Variants in NBAS observed in about 807,000 individuals in gnomAD.
The protein encoded by NBAS is NAG/BC035112 fusion.
NBAS carries 219 observed loss-of-function variants against 302.5 expected under a neutral mutation model. That is an observed-to-expected ratio of 0.72 (90% confidence interval 0.65 to 0.81). NBAS has a LOEUF of 0.81. Among genes scored for constraint, NBAS ranks in the 30% least tolerant of loss-of-function variants. The pLI is 0.00. For missense variants in NBAS, 2,932 were observed against 2,841.6 expected (o/e 1.03, Z -0.72); for synonymous variants, 1,118 against 1,021.6 (o/e 1.09, Z -1.80).
chr2:15,196,641 G>A (rs1055155959), intron 48 of NBAS, among the ~76,000 whole-genome samples: 7 of 152,138 alleles, frequency 4.6e-5, no homozygotes, highest in African/African-American at 1.4e-4. Flanking sequence ...TACAATTTGA[G>A]GGGAAAAATC....
intron 40 of NBAS, among the ~76,000 whole-genome samples, chr2:15,302,010 G>C (rs951355604): frequency 1.3e-5 from 2 of 152,308 alleles, no homozygotes; most frequent in Middle Eastern, 3.4e-3. Flanking sequence ...GCAGTTGTTT[G>C]GGGGAAAATA....
the NBAS span, among the ~76,000 whole-genome samples, chr2:14,906,228 G>T: frequency 6.6e-6 from 1 of 151,978 alleles, no homozygotes; most frequent in Non-Finnish European, 1.5e-5. Context: ...TATTCTGGCA[G>T]GCACTGTGCA....
intron 9 of NBAS, among the ~76,000 whole-genome samples, chr2:15,520,421 G>A (rs188225450): frequency 1.1e-4 from 17 of 151,992 alleles, no homozygotes; most frequent in East Asian, 1.9e-4. Context: ...AAAGAACTAC[G>A]AAAAAATCTA....
chr2:15,181,471 T>C (rs1664816127), intron 50 of NBAS, among the ~76,000 whole-genome samples: 1 of 152,170 alleles, frequency 6.6e-6, no homozygotes, highest in South Asian at 2.1e-4. Flanking sequence ...TTTGCTACTT[T>C]CCCCCTGTGT....
the NBAS span, among the ~76,000 whole-genome samples, chr2:15,080,466 G>A: frequency 6.6e-6 from 1 of 152,178 alleles, no homozygotes; most frequent in African/African-American, 2.4e-5. Flanking sequence ...CAAGAAAGAG[G>A]GCTGAAAGAT....
chr2:15,214,127 A>C (rs879347251), intron 48 of NBAS, among the ~76,000 whole-genome samples: 4 of 152,230 alleles, frequency 2.6e-5, no homozygotes, highest in Non-Finnish European at 4.4e-5. Context: ...ATTAATGGCA[A>C]GAACATCAGA....
At chr2:15,041,964 G>A in the NBAS span, among the ~76,000 whole-genome samples, 3 of 152,186 alleles carry the variant, frequency 2.0e-5, no homozygotes, top group African/African-American at 4.8e-5. Context: ...TCGTCTTAGC[G>A]AGTCAAAGTG....
chr2:15,126,284 G>T, the NBAS span, among the ~76,000 whole-genome samples: 1 of 152,162 alleles, frequency 6.6e-6, no homozygotes, highest in African/African-American at 2.4e-5. Flanking sequence ...CAAAGCAGTT[G>T]CCAGCACCAT....
rs146655692 is a variant in NBAS, at chr2:15,522,636, A to G, written c.747-11286T>C. ...TAAAAATATATAGAATAGGTAAGGG[A>G]AAAAAATATGGCCAAAAGATTCCAT... is the stretch of plus-strand genomic sequence containing the variant. On this transcript the variant is annotated intron_variant, in intron 9 of 51. Coordinates refer to ENST00000281513, the MANE Select transcript of NBAS (RefSeq NM_015909.4). Among the ~76,000 whole-genome samples, 735 of 152,284 alleles carry G rather than the reference A, an allele frequency of 4.8e-3. 9 individuals carry two copies. The highest frequency in any genetic ancestry group is 0.016 in the African/African-American group (682 of 41,564).
chr2:14,907,915 T>C, the NBAS span, among the ~76,000 whole-genome samples: 1 of 152,170 alleles, frequency 6.6e-6, no homozygotes, highest in African/African-American at 2.4e-5. Context: ...AATAAGAGGC[T>C]TTTGTCTTTT....
the NBAS span, among the ~76,000 whole-genome samples, chr2:15,064,395 T>C: frequency 6.6e-6 from 1 of 150,648 alleles, no homozygotes. Context: ...CAATTAAACA[T>C]CAACAAATTA....
intron 9 of NBAS, among the ~76,000 whole-genome samples, chr2:15,521,988 C>T (rs1285078165): frequency 1.3e-5 from 2 of 152,098 alleles, no homozygotes; most frequent in Non-Finnish European, 2.9e-5. Context: ...TGACCGTTGG[C>T]ACAGAGCAAA....
intron 49 of NBAS, 89 bp downstream of exon 49, chr2:15,190,175 T>C: frequency 6.9e-7 from 1 of 1,456,372 alleles, no homozygotes; most frequent in Non-Finnish European, 9.6e-7. Context: ...TAATTATTCT[T>C]TCATTGGCTC....
At chr2:15,064,078 T>C in the NBAS span, among the ~76,000 whole-genome samples, 221 of 152,354 alleles carry the variant, frequency 1.5e-3, 1 homozygote, top group African/African-American at 5.2e-3. Flanking sequence ...GAAAGTTTGA[T>C]GTTTCCTTAT....
the NBAS span, among the ~76,000 whole-genome samples, chr2:15,102,323 G>T: frequency 1.3e-5 from 2 of 152,186 alleles, no homozygotes; most frequent in Non-Finnish European, 2.9e-5. Flanking sequence ...GGTGGGAGGA[G>T]CATCCTGCTG....
chr2:15,092,275 T>G, the NBAS span, among the ~76,000 whole-genome samples: 1 of 152,230 alleles, frequency 6.6e-6, no homozygotes, highest in African/African-American at 2.4e-5. Context: ...ATTGTTGAAC[T>G]GCAGAGCTGG....
intron 9 of NBAS, among the ~76,000 whole-genome samples, chr2:15,520,082 A>T (rs545122812): frequency 6.6e-6 from 1 of 152,202 alleles, no homozygotes; most frequent in Non-Finnish European, 1.5e-5. Context: ...AATTTTTTTT[A>T]AATACAATTT....
At chr2:15,301,777 T>C (rs142201544) in intron 40 of NBAS, among the ~76,000 whole-genome samples, 319 of 152,262 alleles carry the variant, frequency 2.1e-3, no homozygotes, top group African/African-American at 6.9e-3. Context: ...TGGAGAAAGG[T>C]TCCTGAGTGA....
the NBAS span, among the ~76,000 whole-genome samples, chr2:14,871,789 T>G: frequency 6.6e-6 from 1 of 152,234 alleles, no homozygotes; most frequent in Non-Finnish European, 1.5e-5. Flanking sequence ...ATTTTAAAAA[T>G]GCTCAATTCA....
Sources: gnomAD v4.1 joint callset for allele counts (sites outside exome capture counted in the v4.1 genomes callset) on GRCh38, gnomAD v4.1.1 for gene constraint, MANE v1.5 for transcripts, NCBI Gene and HGNC (gene_info 2026-07-23, HGNC 2026-07-21) for gene names.